The following KAT2B variants were observed in gnomAD, a reference collection of about 807,000 sequenced individuals.
KAT2B encodes lysine acetyltransferase 2B, also known as histone acetyltransferase KAT2B.
A neutral mutation model predicts 105.9 loss-of-function variants in KAT2B; 36 were observed. That is an observed-to-expected ratio of 0.34 (90% confidence interval 0.26 to 0.45). KAT2B has a LOEUF of 0.45. Among genes scored for constraint, KAT2B ranks in the 20% least tolerant of loss-of-function variants. The probability of loss-of-function intolerance (pLI) is 1.00; values close to 1 mark genes in which losing one functional copy is unlikely to be tolerated. For synonymous variants in KAT2B, 397 were observed against 377.9 expected, an observed-to-expected ratio of 1.05 and a Z score of -0.59; for missense variants, 820 against 1,021.6, an observed-to-expected ratio of 0.80 and a Z score of 2.69.
At chr3:20,128,010 C>G (rs914605488) in intron 11 of KAT2B, among the ~76,000 whole-genome samples, 4 of 152,104 alleles carry the variant, frequency 2.6e-5, no homozygotes, top group Non-Finnish European at 5.9e-5. Context: ...TGGTAATGGT[C>G]TAGGGGTTGG....
In KAT2B at chr3:20,086,149, G is replaced by GGGAC. The variant is rs202165300; in HGVS notation, c.431-9114_431-9113insGGAC. ...TAGCTGGGCATGATGGTATGCACCT[G>GGGAC]TAGTCCCAGCTATTTGGGAGACTGA... On this transcript the variant is annotated intron_variant, in intron 2 of 17. Transcript: ENST00000263754. Among the ~76,000 whole-genome samples the GGGAC allele has an allele frequency of 9.9e-4, 151 of 152,222 alleles. 2 individuals are homozygous for GGGAC. In the East Asian group the frequency reaches 0.027, roughly 27 times the overall value.
intron 1 of KAT2B, among the ~76,000 whole-genome samples, chr3:20,052,599 T>C (rs137949377): frequency 0.045 from 6,805 of 150,704 alleles, 196 homozygotes; most frequent in South Asian, 0.075. Context: ...CCCAGCACTT[T>C]AGGAGGCTGA....
chr3:20,118,258 T>C (rs1053205352), intron 7 of KAT2B, among the ~76,000 whole-genome samples: 2 of 146,276 alleles, frequency 1.4e-5, no homozygotes, highest in Non-Finnish European at 3.0e-5. Context: ...TTTACAAAAA[T>C]ATGTAAATAT....
intron 5 of KAT2B, among the ~76,000 whole-genome samples, chr3:20,106,979 GTATA>G (rs869172127): frequency 0.027 from 918 of 33,408 alleles, 21 homozygotes; most frequent in Middle Eastern, 0.062. Flanking sequence ...ATATATATAT[GTATA>G]TATATATATA....
intron 1 of KAT2B, among the ~76,000 whole-genome samples, chr3:20,056,953 A>AAT (rs1698012992): frequency 6.6e-6 from 1 of 152,182 alleles, no homozygotes; most frequent in Non-Finnish European, 1.5e-5. Flanking sequence ...AGTAAACACA[A>AAT]ATGCTTGACG....
At position 20,152,943 on chromosome 3, in the gene KAT2B, T is replaced by C. The variant is rs1193323217; in HGVS notation, c.*418T>C. 1 of 154,660 alleles carries C rather than the reference T, an allele frequency of 6.5e-6. No individual in the cohort carries two copies. The highest frequency in any genetic ancestry group is 2.4e-5 in the African/African-American group (1 of 41,432). 9.6% of individuals were successfully genotyped at this position (154,660 alleles called of 1,614,324 possible). ...ATGTGAGAGTTTACTTTTATTTTAT[T>C]CTGAAGGACTTTAAGGAAGGGATAC... On this transcript the variant is annotated 3_prime_UTR_variant, in exon 18 of 18. Transcript: ENST00000263754.
intron 7 of KAT2B, among the ~76,000 whole-genome samples, chr3:20,119,304 A>C (rs1241861414): frequency 2.7e-5 from 4 of 146,290 alleles, no homozygotes; most frequent in Non-Finnish European, 6.0e-5. Flanking sequence ...TTTACTAACT[A>C]CCATAACTCC....
chr3:20,045,979 C>T (rs975224592), intron 1 of KAT2B, among the ~76,000 whole-genome samples: 1 of 152,208 alleles, frequency 6.6e-6, no homozygotes, highest in African/African-American at 2.4e-5. Flanking sequence ...GAATCCACCC[C>T]AGCTCTGCCA....
rs1290854646 is a variant in KAT2B, at chr3:20,073,572, A to T, written c.430+1113A>T. The stretch of plus-strand genomic sequence containing the variant: ...AAAATAGAAATAGTCCTGATCTCAC[A>T]AAAGCAACACACTAATAATTTCATC... On this transcript the variant is annotated intron_variant, in intron 2 of 17. Coordinates refer to ENST00000263754, the MANE Select transcript of KAT2B (RefSeq NM_003884.5). 2.0e-5 allele frequency among the ~76,000 whole-genome samples: 3 copies of T among 152,360 alleles called. No homozygotes were observed. In the East Asian group the frequency reaches 5.8e-4, roughly 29 times the overall value.
intron 1 of KAT2B, among the ~76,000 whole-genome samples, chr3:20,054,713 G>C (rs1252829917): frequency 6.6e-6 from 1 of 152,222 alleles, no homozygotes; most frequent in African/African-American, 2.4e-5. Context: ...GTGCCAATTT[G>C]CATCAGCTCT....
At chr3:20,131,556 T>C (rs965992018) in intron 11 of KAT2B, among the ~76,000 whole-genome samples, 7 of 152,074 alleles carry the variant, frequency 4.6e-5, no homozygotes, top group Admixed American at 2.0e-4. Flanking sequence ...AAGCAGAGGT[T>C]TTATTTTTAT....
At chr3:20,108,707 C>T (rs918680019) in intron 5 of KAT2B, among the ~76,000 whole-genome samples, 2 of 152,174 alleles carry the variant, frequency 1.3e-5, no homozygotes, top group African/African-American at 2.4e-5. Flanking sequence ...ACCATAGGTC[C>T]GTGGCTCATT....
intron 14 of KAT2B, 84 bp from the exon 15 acceptor site, chr3:20,147,879 T>G (rs1336761510): frequency 2.3e-6 from 3 of 1,295,878 alleles, no homozygotes; most frequent in Non-Finnish European, 3.2e-6. Context: ...TGCCTATAAT[T>G]TCTTGTTTTT....
intron 1 of KAT2B, among the ~76,000 whole-genome samples, chr3:20,067,953 G>A (rs1344177551): frequency 6.6e-6 from 1 of 150,766 alleles, no homozygotes; most frequent in Non-Finnish European, 1.5e-5. Context: ...AGGATTACCT[G>A]TGCCTGTCCC....
intron 12 of KAT2B, among the ~76,000 whole-genome samples, chr3:20,139,824 A>T (rs1282982296): frequency 1.3e-5 from 2 of 152,042 alleles, no homozygotes; most frequent in Admixed American, 6.6e-5. Flanking sequence ...CTTTTCTTTG[A>T]TAATTTAGAT....
At chr3:20,145,850 G>A (rs1232964163) in intron 13 of KAT2B, among the ~76,000 whole-genome samples, 1 of 152,156 alleles carries the variant, frequency 6.6e-6, no homozygotes, top group Non-Finnish European at 1.5e-5. Context: ...TTTAACAACT[G>A]TAGGCTTTTG....
At chr3:20,152,079 G>T (rs909198167) in intron 17 of KAT2B, among the ~76,000 whole-genome samples, 1 of 152,118 alleles carries the variant, frequency 6.6e-6, no homozygotes, top group Non-Finnish European at 1.5e-5. Flanking sequence ...ATAGGGGATT[G>T]AACCAGATGA....
chr3:20,046,305 G>A (rs371594734), intron 1 of KAT2B, among the ~76,000 whole-genome samples: 2 of 152,136 alleles, frequency 1.3e-5, no homozygotes, highest in East Asian at 1.9e-4. Context: ...ATAGGCCCAG[G>A]GCATGGTGGC....
chr3:20,074,414 G>GT, intron 2 of KAT2B, among the ~76,000 whole-genome samples: 1 of 152,214 alleles, frequency 6.6e-6, no homozygotes, highest in East Asian at 1.9e-4. Flanking sequence ...CTGGACCTCA[G>GT]TTTTTTCAAC....
Sources: allele counts gnomAD v4.1 joint callset (sites outside exome capture counted in the v4.1 genomes callset), GRCh38; gene constraint gnomAD v4.1.1; transcripts MANE v1.5; gene names NCBI Gene and HGNC (gene_info 2026-07-23, HGNC 2026-07-21).